Variants in OSBPL8 observed in about 807,000 individuals in gnomAD.
OSBPL8 encodes oxysterol-binding protein-related protein 8.
A neutral mutation model predicts 125.5 loss-of-function variants in OSBPL8; 59 were observed. The observed-to-expected ratio is 0.47, with a 90% CI of 0.38 to 0.58. OSBPL8 has a LOEUF of 0.58. OSBPL8 is among the 20% of genes least tolerant of loss of function. The pLI is 0.00. For missense variants in OSBPL8, 758 were observed against 1,047.8 expected (o/e 0.72, Z 3.82); for synonymous variants, 330 against 338.9 (o/e 0.97, Z 0.29).
At chr12:76,508,117 G>C (rs563749725) in intron 1 of OSBPL8, among the ~76,000 whole-genome samples, 2 of 151,560 alleles carry the variant, frequency 1.3e-5, no homozygotes, top group African/African-American at 4.8e-5. Flanking sequence ...GTTGCAGTGA[G>C]CCGAGATTGC....
intron 15 of OSBPL8, among the ~76,000 whole-genome samples, chr12:76,380,573 A>G (rs1356680794): frequency 6.8e-6 from 1 of 147,528 alleles, no homozygotes; most frequent in East Asian, 2.0e-4. Flanking sequence ...CATTTCTAGT[A>G]TATAGAAATA....
Position 76,369,732 on chromosome 12 carries a change from T to C in OSBPL8, c.2145A>G (p.Gln715=). Residue 715 remains glutamine, a synonymous_variant, in exon 20 of 24, where the codon CAA becomes CAG. Coordinates refer to ENST00000261183, the MANE Select transcript of OSBPL8 (RefSeq NM_020841.5). ...EKYVLEEAQR[Q]AARDRKTKNE... is the part of the protein sequence containing the mutation. ...TTTTTGTTTTCCGATCCCTGGCAGC[T>C]TGTCTTTGAGCTTCTTCCAAAACAT... The C allele has an allele frequency of 5.0e-6, 8 of 1,613,738 alleles. No homozygotes were observed. Among genetic ancestry groups the C allele is most frequent in the Non-Finnish European group, 6.8e-6 (8 of 1,179,752 alleles).
chr12:76,483,349 G>C (rs375370130), intron 2 of OSBPL8, among the ~76,000 whole-genome samples: 2 of 151,784 alleles, frequency 1.3e-5, no homozygotes, highest in East Asian at 3.9e-4. Flanking sequence ...GATAGCCTGA[G>C]GTCAGGAGTT....
Position 76,355,815 on chromosome 12 carries a change from A to G in OSBPL8, c.*74T>C. On this transcript the variant is annotated 3_prime_UTR_variant, in exon 24 of 24. Coordinates refer to ENST00000261183, the MANE Select transcript of OSBPL8 (RefSeq NM_020841.5). Reference sequence around the variant, plus strand: ...CGGAATATTGTGATTTTTAATAAAGACCAAACCAACTTGAACACTGGTCCC... The same window carrying G: ...CGGAATATTGTGATTTTTAATAAAGGCCAAACCAACTTGAACACTGGTCCC... 1 of 1,505,430 alleles carries G rather than the reference A, an allele frequency of 6.6e-7. No individual in the cohort carries two copies. Among genetic ancestry groups the G allele is most frequent in the South Asian group, 1.3e-5 (1 of 78,254 alleles). The allele number at this position is 1,505,430 out of a possible 1,614,324, so 93.3% of individuals were successfully genotyped here. A position where few individuals can be genotyped will look rare whatever the true frequency, so the allele number is the denominator to read the frequency against.
At chr12:76,386,750 G>T in intron 12 of OSBPL8, 90 bp from the exon 13 acceptor site, 1 of 830,948 alleles carries the variant, frequency 1.2e-6, no homozygotes, top group Non-Finnish European at 1.9e-6. Context: ...TATGAAACAT[G>T]ATTGGAAAAC....
At chr12:76,397,596 G>A (rs1953865393) in intron 8 of OSBPL8, 98 bp downstream of exon 8, 3 of 1,192,970 alleles carry the variant, frequency 2.5e-6, no homozygotes, top group African/African-American at 3.1e-5. Context: ...AGATTTATAA[G>A]TCCTGGCAGA....
At chr12:76,414,628 G>T (rs1208249622) in intron 4 of OSBPL8, among the ~76,000 whole-genome samples, 1 of 151,180 alleles carries the variant, frequency 6.6e-6, no homozygotes, top group East Asian at 1.9e-4. Flanking sequence ...TTTTGTTGTT[G>T]TTGTTGTTGA....
intron 22 of OSBPL8, 70 bp downstream of exon 22, chr12:76,358,636 C>A: frequency 8.4e-6 from 11 of 1,308,580 alleles, no homozygotes; most frequent in Non-Finnish European, 1.2e-5. Flanking sequence ...ATATGAAAAA[C>A]CATATTCATA....
chr12:76,448,238 G>A (rs954602176), intron 4 of OSBPL8, among the ~76,000 whole-genome samples: 1 of 152,088 alleles, frequency 6.6e-6, no homozygotes, highest in Admixed American at 6.5e-5. Context: ...TATACAATGG[G>A]TATATTAGTG....
At chr12:76,356,108 A>G in intron 23 of OSBPL8, 87 bp from the exon 24 acceptor site, 2 of 884,692 alleles carry the variant, frequency 2.3e-6, no homozygotes, top group South Asian at 3.3e-5. Context: ...ACAGTCACAG[A>G]GCATTTAATG....
At chr12:76,507,787 G>A (rs1003586986) in intron 1 of OSBPL8, among the ~76,000 whole-genome samples, 1 of 151,606 alleles carries the variant, frequency 6.6e-6, no homozygotes, top group African/African-American at 2.4e-5. Context: ...TCATGCCATT[G>A]CTCTTCAGCC....
At chr12:76,522,531 A>G (rs1361073040) in intron 1 of OSBPL8, among the ~76,000 whole-genome samples, 1 of 152,126 alleles carries the variant, frequency 6.6e-6, no homozygotes, top group Admixed American at 6.6e-5. Flanking sequence ...CAAGGGAATA[A>G]GTCAGTTCCC....
chr12:76,369,325 AC>A lies in OSBPL8; in HGVS notation c.2241-25del, dbSNP rs757684887. On this transcript the variant is annotated intron_variant, in intron 20 of 23. Coordinates refer to ENST00000261183, the MANE Select transcript of OSBPL8 (RefSeq NM_020841.5). Reference sequence around the variant, plus strand: ...TACTACATAAATGAAAAAAAAAAAAACCATTTGCTCAATGACTAAACAAAGA... The same window carrying A: ...TACTACATAAATGAAAAAAAAAAAAACATTTGCTCAATGACTAAACAAAGA... The A allele has an allele frequency of 4.8e-5, 76 of 1,570,916 alleles. No homozygotes were observed. The South Asian group carries it at 8.5e-4, about 18-fold the overall frequency.
intron 1 of OSBPL8, among the ~76,000 whole-genome samples, chr12:76,524,976 G>T (rs894554792): frequency 2.0e-5 from 3 of 152,088 alleles, no homozygotes; most frequent in African/African-American, 4.8e-5. Flanking sequence ...GAGCCACTGC[G>T]CCCAGCCATA....
chr12:76,420,609 T>C (rs1869353471), intron 4 of OSBPL8, among the ~76,000 whole-genome samples: 1 of 152,042 alleles, frequency 6.6e-6, no homozygotes, highest in Admixed American at 6.5e-5. Flanking sequence ...AAAAGGGTTA[T>C]GCTCAAAGCA....
chr12:76,470,164 A>C (rs1254358077), intron 2 of OSBPL8, among the ~76,000 whole-genome samples: 1 of 152,224 alleles, frequency 6.6e-6, no homozygotes, highest in African/African-American at 2.4e-5. Flanking sequence ...GAGAAGCTCA[A>C]AATTAACCAA....
At chr12:76,386,399 C>A in intron 13 of OSBPL8, 133 bp from the exon 14 acceptor site, 1 of 1,349,062 alleles carries the variant, frequency 7.4e-7, no homozygotes, top group Non-Finnish European at 9.8e-7. Flanking sequence ...ATAAAATTTA[C>A]ATTAAATAAA....
intron 2 of OSBPL8, among the ~76,000 whole-genome samples, chr12:76,465,984 A>G (rs1875379089): frequency 6.6e-6 from 1 of 152,168 alleles, no homozygotes; most frequent in South Asian, 2.1e-4. Flanking sequence ...ACTGGGCAAA[A>G]GAGCAAGACT....
At chr12:76,507,117 A>G (rs1880496750) in intron 1 of OSBPL8, among the ~76,000 whole-genome samples, 1 of 151,802 alleles carries the variant, frequency 6.6e-6, no homozygotes, top group African/African-American at 2.4e-5. Flanking sequence ...TACTAGTTGA[A>G]TTCAAAGTAT....
Sources: gnomAD v4.1 joint callset for allele counts (sites outside exome capture counted in the v4.1 genomes callset) on GRCh38, gnomAD v4.1.1 for gene constraint, MANE v1.5 for transcripts, NCBI Gene and HGNC (gene_info 2026-07-23, HGNC 2026-07-21) for gene names.